Variants in CCDC102B observed in about 807,000 individuals in gnomAD.
The protein encoded by CCDC102B is coiled-coil domain containing 102B.
Under a neutral mutation model 57.4 loss-of-function variants are expected in CCDC102B, and 75 were observed. The observed-to-expected ratio is 1.31, with a 90% CI of 1.08 to 1.58. The LOEUF is 1.58. Among genes scored for constraint, CCDC102B ranks in the 40% most tolerant of loss-of-function variants. The pLI, the probability that CCDC102B is intolerant of heterozygous loss-of-function variation, is 0.00. For missense variants in CCDC102B, 636 were observed against 582.6 expected, an observed-to-expected ratio of 1.09 and a Z score of -0.94; for synonymous variants, 206 against 201.9, an observed-to-expected ratio of 1.02 and a Z score of -0.17.
At chr18:69,022,246 G>GCA (rs201040947) in intron 7 of CCDC102B, among the ~76,000 whole-genome samples, 3,108 of 137,362 alleles carry the variant, frequency 0.023, 50 homozygotes, top group Admixed American at 0.037. Flanking sequence ...GCGTGCGTGT[G>GCA]CACACACACA....
intron 4 of CCDC102B, among the ~76,000 whole-genome samples, chr18:68,856,014 A>G (rs1365418642): frequency 1.3e-5 from 2 of 152,192 alleles, no homozygotes; most frequent in East Asian, 3.9e-4. Context: ...TGAGTGAGAA[A>G]AAAATACATT....
chr18:68,824,870 A>G (rs2036843043), intron 1 of CCDC102B, among the ~76,000 whole-genome samples: 1 of 152,226 alleles, frequency 6.6e-6, no homozygotes, highest in African/African-American at 2.4e-5. Context: ...TCTATCTTTC[A>G]TATACACACT....
chr18:68,760,865 C>A (rs929455062), intron 2 of CCDC102B, among the ~76,000 whole-genome samples: 1 of 152,050 alleles, frequency 6.6e-6, no homozygotes, highest in Non-Finnish European at 1.5e-5. Context: ...TTCAGGATAG[C>A]TAGATGGCAG....
chr18:68,863,633 C>T (rs1468444741), intron 4 of CCDC102B, among the ~76,000 whole-genome samples: 1 of 151,798 alleles, frequency 6.6e-6, no homozygotes, highest in South Asian at 2.1e-4. Flanking sequence ...AATTTACATT[C>T]CCCCCAACCC....
upstream of CCDC102B, among the ~76,000 whole-genome samples, chr18:68,794,581 A>T (rs931282364): frequency 1.3e-5 from 2 of 152,124 alleles, no homozygotes; most frequent in African/African-American, 4.8e-5. Flanking sequence ...CACTAAAAAA[A>T]AATAGCCTTC....
intron 6 of CCDC102B, among the ~76,000 whole-genome samples, chr18:68,994,606 A>C (rs1269283220): frequency 6.6e-6 from 1 of 151,656 alleles, no homozygotes; most frequent in East Asian, 1.9e-4. Context: ...TCTGACAGTG[A>C]GTTCTCACAA....
At chr18:68,823,623 A>G (rs1276369442) in intron 1 of CCDC102B, among the ~76,000 whole-genome samples, 1 of 152,200 alleles carries the variant, frequency 6.6e-6, no homozygotes, top group African/African-American at 2.4e-5. Flanking sequence ...TTCTTTAACA[A>G]ATCTCCGAAT....
intron 6 of CCDC102B, among the ~76,000 whole-genome samples, chr18:68,922,883 A>G (rs533921158): frequency 1.3e-5 from 2 of 152,162 alleles, no homozygotes; most frequent in South Asian, 2.1e-4. Context: ...CTTAACTATA[A>G]TCTTGGGTAT....
At chr18:68,893,723 T>C (rs960162192) in intron 5 of CCDC102B, among the ~76,000 whole-genome samples, 7 of 152,160 alleles carry the variant, frequency 4.6e-5, no homozygotes, top group African/African-American at 1.7e-4. Flanking sequence ...TATCAAGCCA[T>C]GGCAGTTGAA....
chr18:68,965,307 A>AT (rs71176924), intron 6 of CCDC102B, among the ~76,000 whole-genome samples: 115 of 148,404 alleles, frequency 7.7e-4, no homozygotes, highest in African/African-American at 1.7e-3. Flanking sequence ...TTCAAGTGAG[A>AT]TTTTTTTTTT....
At chr18:68,899,451 C>A (rs2040360805) in intron 6 of CCDC102B, among the ~76,000 whole-genome samples, 1 of 150,926 alleles carries the variant, frequency 6.6e-6, no homozygotes, top group African/African-American at 2.4e-5. Context: ...ATACACACAC[C>A]ATGTATGAGT....
chr18:68,848,223 A>G (rs2037963628), intron 4 of CCDC102B, among the ~76,000 whole-genome samples: 1 of 151,984 alleles, frequency 6.6e-6, no homozygotes, highest in South Asian at 2.1e-4. Context: ...ATTGACAATC[A>G]GAAGGTGTGT....
chr18:68,726,041 A>G (rs183008179), intron 2 of CCDC102B, among the ~76,000 whole-genome samples: 2 of 152,346 alleles, frequency 1.3e-5, no homozygotes, highest in Admixed American at 1.3e-4. Flanking sequence ...TCAGGGTGAT[A>G]GAATTAATTT....
intron 7 of CCDC102B, among the ~76,000 whole-genome samples, chr18:69,027,973 C>T (rs892582055): frequency 1.3e-5 from 2 of 152,072 alleles, no homozygotes; most frequent in Non-Finnish European, 2.9e-5. Flanking sequence ...ATGAGGCAAC[C>T]ATGGTATAAT....
In CCDC102B at chr18:68,887,514, G is replaced by A. The variant is rs531097072; in HGVS notation, c.1054-9705G>A. Among the ~76,000 whole-genome samples, 3 of 152,202 alleles carry A rather than the reference G, an allele frequency of 2.0e-5. No individual in the cohort carries two copies. The East Asian group carries it at 5.8e-4, about 29-fold the overall frequency. ...GTGAGCTGAAGAGTCTTATGTAATCGATCCATAGGCATTGACATTTGTTTT... is the reference window on the plus strand; with the variant it reads ...GTGAGCTGAAGAGTCTTATGTAATCAATCCATAGGCATTGACATTTGTTTT... On this transcript the variant is annotated intron_variant, in intron 5 of 7. Transcript: ENST00000360242.
intron 6 of CCDC102B, among the ~76,000 whole-genome samples, chr18:68,905,874 A>G (rs1481708516): frequency 2.3e-5 from 3 of 132,488 alleles, no homozygotes; most frequent in East Asian, 4.8e-4. Flanking sequence ...GCTCACTGCA[A>G]GCTCCGCCTC....
At chr18:68,936,153 G>T (rs924632409) in intron 6 of CCDC102B, among the ~76,000 whole-genome samples, 1 of 151,768 alleles carries the variant, frequency 6.6e-6, no homozygotes, top group African/African-American at 2.4e-5. Context: ...AATGAATTTT[G>T]TGTTTAGACT....
chr18:68,862,072 A>G (rs2038785303), intron 4 of CCDC102B, among the ~76,000 whole-genome samples: 1 of 152,206 alleles, frequency 6.6e-6, no homozygotes, highest in South Asian at 2.1e-4. Context: ...CACATAAAGT[A>G]CCACACATCA....
chr18:68,968,307 A>G (rs966603910), intron 6 of CCDC102B, among the ~76,000 whole-genome samples: 2 of 152,162 alleles, frequency 1.3e-5, no homozygotes, highest in African/African-American at 4.8e-5. Context: ...GTTGTAGGCA[A>G]TACTGAGCTT....
Sources: allele counts gnomAD v4.1 joint callset (sites outside exome capture counted in the v4.1 genomes callset), GRCh38; gene constraint gnomAD v4.1.1; transcripts MANE v1.5; gene names NCBI Gene and HGNC (gene_info 2026-07-23, HGNC 2026-07-21).